Variants in STK32B observed in about 807,000 individuals in gnomAD.
STK32B encodes the protein serine/threonine kinase 32B, also known as serine/threonine-protein kinase 32B.
STK32B carries 43 observed loss-of-function variants against 52.6 expected under a neutral mutation model. The ratio of observed to expected loss-of-function variants is 0.82; its 90% CI spans 0.64 to 1.05. The LOEUF (loss-of-function observed/expected upper bound fraction) is 1.05, where lower values mean the gene tolerates loss of function less well. Among genes scored for constraint, STK32B ranks in the 50% least tolerant of loss-of-function variants. The pLI is 0.00. For missense variants in STK32B, 621 were observed against 534.6 expected (o/e 1.16, Z -1.59); for synonymous variants, 238 against 204.3 (o/e 1.17, Z -1.41).
intron 1 of STK32B, among the ~76,000 whole-genome samples, chr4:5,105,723 C>T (rs1398658425): frequency 2.6e-5 from 4 of 151,898 alleles, no homozygotes; most frequent in African/African-American, 9.7e-5. Flanking sequence ...GCCACCACGC[C>T]TGGCTAATTT....
intron 3 of STK32B, among the ~76,000 whole-genome samples, chr4:5,328,260 A>G (rs1282565469): frequency 6.6e-6 from 1 of 152,150 alleles, no homozygotes; most frequent in African/African-American, 2.4e-5. Flanking sequence ...TGGAGTAGCA[A>G]TTTTTATTTC....
At chr4:5,042,762 C>G in the STK32B span, among the ~76,000 whole-genome samples, 1 of 152,164 alleles carries the variant, frequency 6.6e-6, no homozygotes, top group African/African-American at 2.4e-5. Context: ...ATGCATGATC[C>G]CGTCCCTGAC....
intron 2 of STK32B, among the ~76,000 whole-genome samples, chr4:5,161,481 T>G (rs1718441903): frequency 6.6e-6 from 1 of 152,126 alleles, no homozygotes; most frequent in African/African-American, 2.4e-5. Context: ...AGACATTACA[T>G]CCGTGTTCAA....
chr4:5,425,541 A>T lies in STK32B; in HGVS notation c.562+8607A>T, dbSNP rs548796323. ...GCACTGTTCTATGGACTGAAAACAC[A>T]TGTGTGAATAAAACATAAGTATTCC... On this transcript the variant is annotated intron_variant, in intron 6 of 11. Transcript: ENST00000282908. Among the ~76,000 whole-genome samples the T allele has an allele frequency of 3.3e-5, 5 of 152,250 alleles. No individual in the cohort carries two copies. In the East Asian group the frequency reaches 9.7e-4, roughly 29 times the overall value.
At chr4:5,371,251 G>T (rs575839619) in intron 4 of STK32B, among the ~76,000 whole-genome samples, 303 of 152,174 alleles carry the variant, frequency 2.0e-3, no homozygotes, top group African/African-American at 7.1e-3. Context: ...CATCAAGGTA[G>T]GGAGCTTCTT....
At chr4:5,414,724 A>G (rs1441269643) in intron 5 of STK32B, among the ~76,000 whole-genome samples, 2 of 152,264 alleles carry the variant, frequency 1.3e-5, no homozygotes, top group Admixed American at 1.3e-4. Flanking sequence ...AATCATATAT[A>G]CATTTGCATA....
chr4:5,425,793 A>G (rs1348631166), intron 6 of STK32B, among the ~76,000 whole-genome samples: 1 of 152,228 alleles, frequency 6.6e-6, no homozygotes, highest in Non-Finnish European at 1.5e-5. Flanking sequence ...AAAGTTCCTC[A>G]TTCCCAGTCC....
In STK32B at chr4:5,453,535, T is replaced by C. The variant is rs917517901; in HGVS notation, c.667-3272T>C. The stretch of plus-strand genomic sequence containing the variant: ...TGTCCAGGGTCTTTGCACCTCCTTT[T>C]CAGGGTAGGGGTGGGACTGTTTTGG... On this transcript the variant is annotated intron_variant, in intron 7 of 11. Coordinates refer to ENST00000282908, the MANE Select transcript of STK32B (RefSeq NM_018401.3). This position sits in a 1 kb window ranked among gnomAD's most constrained non-coding sequence, Gnocchi z 4.0. Among the ~76,000 whole-genome samples, 1 of 151,988 alleles carries C rather than the reference T, an allele frequency of 6.6e-6. No homozygotes were observed. The highest frequency in any genetic ancestry group is 1.5e-5 in the Non-Finnish European group (1 of 67,998).
At chr4:5,059,052 C>CATTTTTTT (rs1742117315) in intron 1 of STK32B, among the ~76,000 whole-genome samples, 1 of 86,894 alleles carries the variant, frequency 1.2e-5, no homozygotes, top group Non-Finnish European at 2.1e-5. Flanking sequence ...CGCCCAGCTG[C>CATTTTTTT]TTTTTTTTTT....
intron 3 of STK32B, among the ~76,000 whole-genome samples, chr4:5,294,727 A>G (rs1050713766): frequency 3.3e-5 from 5 of 152,148 alleles, no homozygotes; most frequent in South Asian, 2.1e-4. Flanking sequence ...AACAGAGACA[A>G]TTTGACTTCC....
chr4:5,343,523 C>T (rs866381675), intron 4 of STK32B, among the ~76,000 whole-genome samples: 5 of 152,140 alleles, frequency 3.3e-5, no homozygotes, highest in Non-Finnish European at 7.3e-5. Context: ...GAGGAATCGC[C>T]ACACTGACTT....
rs139845863 is a variant in STK32B, at chr4:5,493,415, C to T, written c.1107-5530C>T. Among the ~76,000 whole-genome samples the T allele has an allele frequency of 9.7e-3, 1,469 of 152,162 alleles. 11 individuals carry two copies. The highest frequency in any genetic ancestry group is 0.011 in the Non-Finnish European group (728 of 68,018). On this transcript the variant is annotated intron_variant, in intron 11 of 11. Transcript: ENST00000282908. The stretch of plus-strand genomic sequence containing the variant: ...ATGGTAGTTTGTATTTCTGTGGGAT[C>T]GGTGGTGATATCCTTTTATCATTTT...
At chr4:5,268,517 C>T (rs910908308) in intron 3 of STK32B, among the ~76,000 whole-genome samples, 1 of 150,550 alleles carries the variant, frequency 6.6e-6, no homozygotes, top group Non-Finnish European at 1.5e-5. Flanking sequence ...TTACTAAGCA[C>T]TATTTGAAGT....
rs1385208524 is a variant in STK32B at position 5,051,911 on chromosome 4, G to C, written c.48G>C (p.Glu16Asp). 6.3e-7 allele frequency: 1 copy of C among 1,597,132 alleles called. No homozygotes were observed. Among genetic ancestry groups the C allele is most frequent in the Admixed American group, 1.7e-5 (1 of 58,216 alleles). Residue 16 changes from glutamate to aspartate, a missense_variant, in exon 1 of 12, where the codon GAG (glutamate) becomes GAC (aspartate). Coordinates refer to ENST00000282908, the MANE Select transcript of STK32B (RefSeq NM_018401.3). Reference sequence around the variant, plus strand: ...AGCCCCCCGTGTTTGACGAGAATGAGGAAGGTAAGAGAGCGAGAGGTGCGA... The same window carrying C: ...AGCCCCCCGTGTTTGACGAGAATGACGAAGGTAAGAGAGCGAGAGGTGCGA... ...SHKPPVFDEN[E>D]EVNFDHFQIL...
chr4:5,416,192 C>T (rs1472865151), intron 5 of STK32B, among the ~76,000 whole-genome samples: 1 of 152,092 alleles, frequency 6.6e-6, no homozygotes, highest in Non-Finnish European at 1.5e-5. Context: ...CTGTCCCCTT[C>T]CTTCCTTCTC....
chr4:5,042,673 G>T, the STK32B span, among the ~76,000 whole-genome samples: 2 of 152,230 alleles, frequency 1.3e-5, no homozygotes, highest in African/African-American at 4.8e-5. Context: ...GTCATCCTTT[G>T]CATACCTGGA....
chr4:5,353,984 A>G (rs1734016575), intron 4 of STK32B, among the ~76,000 whole-genome samples: 3 of 152,240 alleles, frequency 2.0e-5, no homozygotes, highest in Admixed American at 6.5e-5. Flanking sequence ...AATCAACCTA[A>G]GTGTCCATTG....
intron 1 of STK32B, among the ~76,000 whole-genome samples, chr4:5,099,003 A>G (rs1417083853): frequency 6.6e-6 from 1 of 152,194 alleles, no homozygotes; most frequent in Non-Finnish European, 1.5e-5. Context: ...TCTGGAGGTC[A>G]GATGTCTACA....
chr4:5,246,789 A>G (rs941308589), intron 3 of STK32B, among the ~76,000 whole-genome samples: 4 of 152,080 alleles, frequency 2.6e-5, no homozygotes, highest in African/African-American at 9.7e-5. Flanking sequence ...TTTCCTTCTA[A>G]CAGTCAGGAC....
Sources: allele counts gnomAD v4.1 joint callset (sites outside exome capture counted in the v4.1 genomes callset), GRCh38; gene constraint gnomAD v4.1.1; non-coding constraint Gnocchi (gnomAD v3.1); transcripts MANE v1.5; gene names NCBI Gene and HGNC (gene_info 2026-07-23, HGNC 2026-07-21).